Variants in SIAH3 observed in about 807,000 individuals in gnomAD.
SIAH3 encodes the protein siah E3 ubiquitin protein ligase family member 3, also known as seven in absentia homolog 3.
SIAH3 carries 9 observed loss-of-function variants against 12.6 expected under a neutral mutation model. That is an observed-to-expected ratio of 0.72 (90% CI 0.43 to 1.25). The LOEUF (loss-of-function observed/expected upper bound fraction) is 1.25, where lower values mean the gene tolerates loss of function less well. Among genes scored for constraint, SIAH3 ranks in the 50% most tolerant of loss-of-function variants. The probability of loss-of-function intolerance (pLI) is 0.00; values close to 1 mark genes in which losing one functional copy is unlikely to be tolerated. For synonymous variants in SIAH3, 154 were observed against 151.1 expected, an observed-to-expected ratio of 1.02 and a Z score of -0.14; for missense variants, 390 against 365.4, an observed-to-expected ratio of 1.07 and a Z score of -0.55.
In SIAH3 at chr13:45,781,593, C is replaced by G. The variant is rs1308319597; in HGVS notation, c.*1790G>C. On this transcript the variant is annotated 3_prime_UTR_variant, in exon 2 of 2. Coordinates refer to ENST00000400405, the MANE Select transcript of SIAH3 (RefSeq NM_198849.3). ...CCATCTGTGGCAATGTTTTTTGCCC[C>G]TCTCAGGGCTCTGACGGAATGCAGT... 1 of 152,184 alleles carries G rather than the reference C, an allele frequency of 6.6e-6. No individual in the cohort carries two copies. Among genetic ancestry groups the G allele is most frequent in the Non-Finnish European group, 1.5e-5 (1 of 68,040 alleles). The allele number at this position is 152,184 out of a possible 1,614,324, so 9.4% of individuals were successfully genotyped here. A position where few individuals can be genotyped will look rare whatever the true frequency, so the allele number is the denominator to read the frequency against.
At chr13:45,825,189 G>A (rs1048166023) in intron 1 of SIAH3, among the ~76,000 whole-genome samples, 1 of 152,126 alleles carries the variant, frequency 6.6e-6, no homozygotes, top group Non-Finnish European at 1.5e-5. Flanking sequence ...CGCATTAATA[G>A]GTCTCTTCAG....
At chr13:45,820,330 C>A (rs1950651281) in intron 1 of SIAH3, among the ~76,000 whole-genome samples, 1 of 152,094 alleles carries the variant, frequency 6.6e-6, no homozygotes, top group Non-Finnish European at 1.5e-5. Context: ...TGCAGGTGAA[C>A]CTCCTGTGGT....
chr13:45,834,191 T>A (rs1484235039), intron 1 of SIAH3, among the ~76,000 whole-genome samples: 1 of 152,216 alleles, frequency 6.6e-6, no homozygotes, highest in Non-Finnish European at 1.5e-5. Context: ...AGAATTATCC[T>A]GGACTCAACA....
intron 1 of SIAH3, among the ~76,000 whole-genome samples, chr13:45,831,083 G>T (rs1327381041): frequency 6.6e-6 from 1 of 151,988 alleles, no homozygotes; most frequent in African/African-American, 2.4e-5. Context: ...AGAGACTGAG[G>T]CAAGAGAATA....
At chr13:45,784,099 A>T (rs755469462) in intron 1 of SIAH3, 42 bp from the exon 2 acceptor site, 48 of 1,515,284 alleles carry the variant, frequency 3.2e-5, no homozygotes, top group Non-Finnish European at 4.2e-5. Context: ...GATGAGGCCC[A>T]CTCTCCCAGG....
In SIAH3 at chr13:45,780,396, GAGT is replaced by G. The variant is rs1950499516; in HGVS notation, c.*2984_*2986del. ...AAGCCATCCCCCTGTCTTGGCCTCC[GAGT>G]AGTTAAGACTATAGGCTTGTGTCAC... On this transcript the variant is annotated 3_prime_UTR_variant, in exon 2 of 2. Coordinates refer to ENST00000400405, the MANE Select transcript of SIAH3 (RefSeq NM_198849.3). 1 of 151,864 alleles carries G rather than the reference GAGT, an allele frequency of 6.6e-6. No individual in the cohort carries two copies. Among genetic ancestry groups the G allele is most frequent in the African/African-American group, 2.4e-5 (1 of 41,258 alleles). The allele number at this position is 151,864 out of a possible 1,614,324, so 9.4% of individuals were successfully genotyped here. A position where few individuals can be genotyped will look rare whatever the true frequency, so the allele number is the denominator to read the frequency against.
intron 1 of SIAH3, among the ~76,000 whole-genome samples, chr13:45,792,398 C>T (rs1950548696): frequency 6.6e-6 from 1 of 151,320 alleles, no homozygotes; most frequent in African/African-American, 2.4e-5. Context: ...ACTCTTATCC[C>T]CCAGGCTGGA....
chr13:45,821,348 G>A (rs915447881), intron 1 of SIAH3, among the ~76,000 whole-genome samples: 1 of 152,232 alleles, frequency 6.6e-6, no homozygotes, highest in African/African-American at 2.4e-5. Flanking sequence ...CCAACACCTG[G>A]ACTGTGAGAC....
In SIAH3 at chr13:45,823,052, G is replaced by T. The variant is rs139183721; in HGVS notation, c.135+28443C>A. On this transcript the variant is annotated intron_variant, in intron 1 of 1. Transcript: ENST00000400405. ...GATCTAACCCGTCCCCTCTGCTCCA[G>T]ATTAAAGCTGTTAGCTCTTATTTGA... 1.3e-3 allele frequency among the ~76,000 whole-genome samples: 191 copies of T among 152,304 alleles called. 2 individuals carry two copies. The highest frequency in any genetic ancestry group is 4.4e-3 in the African/African-American group (182 of 41,566).
intron 1 of SIAH3, among the ~76,000 whole-genome samples, chr13:45,830,145 T>C (rs1050379973): frequency 6.6e-6 from 1 of 152,236 alleles, no homozygotes; most frequent in Non-Finnish European, 1.5e-5. Flanking sequence ...AGTTCTAGAA[T>C]ACGTCCCTTG....
chr13:45,845,667 T>C (rs1237858328), intron 1 of SIAH3, among the ~76,000 whole-genome samples: 1 of 152,202 alleles, frequency 6.6e-6, no homozygotes, highest in African/African-American at 2.4e-5. Context: ...CACTCTGTTG[T>C]GTTTTGTATG....
chr13:45,797,792 C>A (rs1950568186), intron 1 of SIAH3, among the ~76,000 whole-genome samples: 1 of 152,206 alleles, frequency 6.6e-6, no homozygotes, highest in South Asian at 2.1e-4. Context: ...TGCCGGGCAT[C>A]CTTCTTCCTT....
chr13:45,846,674 T>C (rs1401138158), intron 1 of SIAH3, among the ~76,000 whole-genome samples: 1 of 152,238 alleles, frequency 6.6e-6, no homozygotes. Flanking sequence ...GTATCTATTT[T>C]CTAATTTTCC....
Position 45,783,957 on chromosome 13 carries a change from TGGTGGTGGC to T in SIAH3, c.227_235del (p.Arg76_His78del), listed in dbSNP as rs746499194. The T allele has an allele frequency of 8.7e-6, 14 of 1,605,038 alleles. No homozygotes were observed. Among genetic ancestry groups the T allele is most frequent in the Middle Eastern group, 1.7e-4 (1 of 5,972 alleles). Reference sequence around the variant, plus strand: ...GGGGTGGGCGTGGTGGCGGAGGTGGTGGTGGTGGCGGTGGTGGCAGTGGTGGTGGGAGAG... The same window carrying T: ...GGGGTGGGCGTGGTGGCGGAGGTGGTGGTGGTGGCAGTGGTGGTGGGAGAG... On this transcript the variant is annotated inframe_deletion, in exon 2 of 2. Coordinates refer to ENST00000400405, the MANE Select transcript of SIAH3 (RefSeq NM_198849.3).
Position 45,784,446 on chromosome 13 carries a change from T to C in SIAH3, c.136-389A>G, listed in dbSNP as rs1465950550. ...TGCTTTTTTGATATTGTTGATAATT[T>C]TGTGCAGGCAATGGAGGTCAATAGA... On this transcript the variant is annotated intron_variant, in intron 1 of 1. Coordinates refer to ENST00000400405, the MANE Select transcript of SIAH3 (RefSeq NM_198849.3). Among the ~76,000 whole-genome samples, 8 of 150,844 alleles carry C rather than the reference T, an allele frequency of 5.3e-5. No individual in the cohort carries two copies. In the East Asian group the frequency reaches 1.6e-3, roughly 29 times the overall value.
In SIAH3 at chr13:45,802,389, A is replaced by T. The variant is rs141354581; in HGVS notation, c.136-18332T>A. On this transcript the variant is annotated intron_variant, in intron 1 of 1. Transcript: ENST00000400405. Reference sequence around the variant, plus strand: ...GTCTTTTCTAGTCACTGAGCTCTGGACCTAATGATGAGAGTGGGGTTAGGG... The same window carrying T: ...GTCTTTTCTAGTCACTGAGCTCTGGTCCTAATGATGAGAGTGGGGTTAGGG... 3.3e-5 allele frequency among the ~76,000 whole-genome samples: 5 copies of T among 152,190 alleles called. No individual in the cohort carries two copies. The East Asian group carries it at 9.7e-4, about 29-fold the overall frequency.
Position 45,822,520 on chromosome 13 carries a change from A to AATATATATATATATATATATATAT in SIAH3, c.135+28951_135+28974dup, listed in dbSNP as rs36106322. Among the ~76,000 whole-genome samples the AATATATATATATATATATATATAT allele has an allele frequency of 1.3e-3, 114 of 85,380 alleles. 5 individuals carry two copies. Among genetic ancestry groups the AATATATATATATATATATATATAT allele is most frequent in the Admixed American group, 1.8e-3 (11 of 6,188 alleles). The allele number at this position is 85,380 out of a possible 152,430, so 56.0% of individuals were successfully genotyped here. A position where few individuals can be genotyped will look rare whatever the true frequency, so the allele number is the denominator to read the frequency against. ...AAGTGAGCTAACATTTTCATTATCAAATATATATATATATATATATATATA... is the reference window on the plus strand; with the variant it reads ...AAGTGAGCTAACATTTTCATTATCAAATATATATATATATATATATATATATATATATATATATATATATATATA... On this transcript the variant is annotated intron_variant, in intron 1 of 1. Coordinates refer to ENST00000400405, the MANE Select transcript of SIAH3 (RefSeq NM_198849.3).
chr13:45,789,438 ACT>A (rs1280901487), intron 1 of SIAH3, among the ~76,000 whole-genome samples: 1 of 151,142 alleles, frequency 6.6e-6, no homozygotes, highest in African/African-American at 2.4e-5. Flanking sequence ...ACAGAGTCTC[ACT>A]CTGTCACCCA....
chr13:45,798,744 C>A (rs533285021), intron 1 of SIAH3, among the ~76,000 whole-genome samples: 15 of 152,346 alleles, frequency 9.8e-5, no homozygotes, highest in Non-Finnish European at 2.1e-4. Flanking sequence ...ATCCCTGAAC[C>A]ACTTCTGGTT....
Sources: allele counts gnomAD v4.1 joint callset (sites outside exome capture counted in the v4.1 genomes callset), GRCh38; gene constraint gnomAD v4.1.1; transcripts MANE v1.5; gene names NCBI Gene and HGNC (gene_info 2026-07-23, HGNC 2026-07-21).